Variants in JAZF1 observed in about 807,000 individuals in gnomAD.
JAZF1 encodes the protein JAZF zinc finger 1.
Under a neutral mutation model 26.4 loss-of-function variants are expected in JAZF1, and 8 were observed. The ratio of observed to expected loss-of-function variants is 0.30; its 90% confidence interval spans 0.18 to 0.55. The LOEUF (loss-of-function observed/expected upper bound fraction) is 0.55. Ranked by LOEUF, JAZF1 falls within the 20% of genes least tolerant of loss-of-function variation. The pLI, the probability that JAZF1 is intolerant of heterozygous loss-of-function variation, is 0.94. For missense variants in JAZF1, 199 were observed against 322.0 expected (o/e 0.62, Z 2.92); for synonymous variants, 126 against 122.3 (o/e 1.03, Z -0.20).
intron 4 of JAZF1, among the ~76,000 whole-genome samples, chr7:27,835,200 A>G (rs1782782509): frequency 6.6e-6 from 1 of 152,202 alleles, no homozygotes; most frequent in Non-Finnish European, 1.5e-5. Context: ...AAAAATAGAA[A>G]AGCATTAACC....
chr7:27,854,598 T>C (rs945883417), intron 3 of JAZF1, among the ~76,000 whole-genome samples: 1 of 152,230 alleles, frequency 6.6e-6, no homozygotes, highest in Non-Finnish European at 1.5e-5. Flanking sequence ...TGCTTCTCTG[T>C]AAAGGATGTT....
At chr7:28,026,537 C>G (rs1264962282) in intron 1 of JAZF1, among the ~76,000 whole-genome samples, 1 of 152,124 alleles carries the variant, frequency 6.6e-6, no homozygotes, top group Non-Finnish European at 1.5e-5. Flanking sequence ...ATGCTTCTAA[C>G]GTATGTACAA....
chr7:27,860,692 G>A (rs536932426), intron 3 of JAZF1, among the ~76,000 whole-genome samples: 21 of 152,310 alleles, frequency 1.4e-4, no homozygotes, highest in South Asian at 6.2e-4. Context: ...AGGTCACAAA[G>A]CTCCTCCGTG....
intron 3 of JAZF1, among the ~76,000 whole-genome samples, chr7:27,851,473 A>AC (rs1457239476): frequency 6.6e-6 from 1 of 152,068 alleles, no homozygotes; most frequent in African/African-American, 2.4e-5. Context: ...ATGTAGTGGC[A>AC]CCCCATCTCT....
chr7:28,004,828 T>C (rs1782671155), intron 1 of JAZF1, among the ~76,000 whole-genome samples: 1 of 152,076 alleles, frequency 6.6e-6, no homozygotes, highest in African/African-American at 2.4e-5. Flanking sequence ...AATTTTTGTA[T>C]TTTTAGTAGA....
At chr7:27,955,510 G>C (rs750030807) in intron 2 of JAZF1, among the ~76,000 whole-genome samples, 5 of 152,276 alleles carry the variant, frequency 3.3e-5, no homozygotes, top group Non-Finnish European at 7.4e-5. Flanking sequence ...TTCTAAAAAA[G>C]AACAAGAAGT....
At chr7:28,160,470 C>T (rs1783267435) in intron 1 of JAZF1, among the ~76,000 whole-genome samples, 1 of 152,160 alleles carries the variant, frequency 6.6e-6, no homozygotes, top group Non-Finnish European at 1.5e-5. Flanking sequence ...ACAGAAGGGC[C>T]TGGCACACGG....
intron 2 of JAZF1, among the ~76,000 whole-genome samples, chr7:27,916,189 T>C (rs1013612044): frequency 6.6e-6 from 1 of 151,974 alleles, no homozygotes; most frequent in Non-Finnish European, 1.5e-5. Context: ...CACAAGGACA[T>C]TAGTTACACC....
intron 1 of JAZF1, among the ~76,000 whole-genome samples, chr7:28,142,283 T>G (rs1240843961): frequency 6.6e-6 from 1 of 152,110 alleles, no homozygotes; most frequent in East Asian, 1.9e-4. Context: ...TTTTGGTATG[T>G]ACCACCCCCC....
At chr7:27,890,104 G>C (rs376387774) in intron 3 of JAZF1, among the ~76,000 whole-genome samples, 1 of 152,080 alleles carries the variant, frequency 6.6e-6, no homozygotes, top group Non-Finnish European at 1.5e-5. Context: ...ATGGATCCAC[G>C]ATTCCTTGAC....
intron 1 of JAZF1, among the ~76,000 whole-genome samples, chr7:28,134,713 T>C (rs1782852157): frequency 6.6e-6 from 1 of 152,144 alleles, no homozygotes; most frequent in Admixed American, 6.5e-5. Context: ...CTAAGTGATA[T>C]ATTTATTTTT....
chr7:28,179,286 C>G (rs1176705387), intron 1 of JAZF1, among the ~76,000 whole-genome samples: 3 of 152,238 alleles, frequency 2.0e-5, no homozygotes, highest in African/African-American at 7.2e-5. Context: ...GCCAGATGCA[C>G]CCGGCCCACC....
At chr7:27,884,294 C>A (rs1413443901) in intron 3 of JAZF1, among the ~76,000 whole-genome samples, 6 of 152,190 alleles carry the variant, frequency 3.9e-5, no homozygotes, top group Non-Finnish European at 2.9e-5. Flanking sequence ...CCACACCCAG[C>A]TAATTTTTTG....
chr7:28,137,371 C>T (rs1782901831), intron 1 of JAZF1, among the ~76,000 whole-genome samples: 2 of 152,212 alleles, frequency 1.3e-5, no homozygotes, highest in African/African-American at 4.8e-5. Context: ...ACAGCATCTT[C>T]CTTGTGGTCA....
At chr7:27,967,280 G>T (rs755012718) in intron 2 of JAZF1, among the ~76,000 whole-genome samples, 2 of 151,948 alleles carry the variant, frequency 1.3e-5, no homozygotes, top group Admixed American at 6.6e-5. Context: ...CAGGACCCCC[G>T]TACCATGCTC....
intron 3 of JAZF1, among the ~76,000 whole-genome samples, chr7:27,875,706 C>T (rs1783666757): frequency 6.6e-6 from 1 of 152,226 alleles, no homozygotes; most frequent in African/African-American, 2.4e-5. Flanking sequence ...CTGTCCACCC[C>T]ATGTGAATCT....
chr7:28,069,101 C>T (rs552852608), intron 1 of JAZF1, among the ~76,000 whole-genome samples: 1 of 152,364 alleles, frequency 6.6e-6, no homozygotes, highest in Non-Finnish European at 1.5e-5. Context: ...ATCATCCAAT[C>T]TGCCTACTGA....
intron 2 of JAZF1, among the ~76,000 whole-genome samples, chr7:27,989,151 T>C (rs11761628): frequency 0.33 from 50,565 of 151,972 alleles, 9,405 homozygotes; most frequent in Middle Eastern, 0.44. Context: ...TACAACCATC[T>C]GATCTTTGAC....
At chr7:27,899,713 A>G (rs564686251) in intron 2 of JAZF1, among the ~76,000 whole-genome samples, 9 of 152,310 alleles carry the variant, frequency 5.9e-5, no homozygotes, top group African/African-American at 2.2e-4. Flanking sequence ...GGTGTGAGCC[A>G]CTGCGCCTGA....
Sources: allele counts gnomAD v4.1 joint callset (sites outside exome capture counted in the v4.1 genomes callset), GRCh38; gene constraint gnomAD v4.1.1; transcripts MANE v1.5; gene names NCBI Gene and HGNC (gene_info 2026-07-23, HGNC 2026-07-21).